Variants in MCOLN2 observed in about 807,000 individuals in gnomAD.
The protein encoded by MCOLN2 is mucolipin TRP cation channel 2, also known as mucolipin-2.
Under a neutral mutation model 67.5 loss-of-function variants are expected in MCOLN2, and 57 were observed. That is an observed-to-expected ratio of 0.84 (90% confidence interval 0.68 to 1.05). The LOEUF is 1.05. MCOLN2 is among the 50% of genes least tolerant of loss of function. The pLI is 0.00. For synonymous variants in MCOLN2, 246 were observed against 233.3 expected (o/e 1.05, Z -0.50); for missense variants, 620 against 678.8 (o/e 0.91, Z 0.96).
intron 4 of MCOLN2, among the ~76,000 whole-genome samples, chr1:84,954,950 T>TTTGTCTGTG (rs1188590107): frequency 1.3e-5 from 2 of 152,050 alleles, no homozygotes; most frequent in Admixed American, 1.3e-4. Flanking sequence ...GGTGATATGG[T>TTTGTCTGTG]TTGTCTGTGT....
chr1:84,973,923 G>C (rs1334473488), intron 1 of MCOLN2, among the ~76,000 whole-genome samples: 1 of 152,208 alleles, frequency 6.6e-6, no homozygotes, highest in Non-Finnish European at 1.5e-5. Flanking sequence ...CTGAAGCACT[G>C]ATACCACCCT....
intron 1 of MCOLN2, among the ~76,000 whole-genome samples, chr1:84,992,320 G>A (rs1650930847): frequency 6.6e-6 from 1 of 152,142 alleles, no homozygotes; most frequent in East Asian, 1.9e-4. Flanking sequence ...CTTCAAAAGA[G>A]AAGAAAGGAA....
chr1:84,996,919 A>G lies in MCOLN2; in HGVS notation c.-47T>C. The G allele has an allele frequency of 1.3e-6, 2 of 1,544,654 alleles. No homozygotes were observed. Among genetic ancestry groups the G allele is most frequent in the Non-Finnish European group, 1.8e-6 (2 of 1,117,350 alleles). Reference sequence around the variant, plus strand: ...CAGGGCTCTCGGGATTCGGAACAGGAAACACCGTTCACGGCCGACTCATTT... The same window carrying G: ...CAGGGCTCTCGGGATTCGGAACAGGGAACACCGTTCACGGCCGACTCATTT... On this transcript the variant is annotated 5_prime_UTR_variant, in exon 1 of 14. Coordinates refer to ENST00000370608, the MANE Select transcript of MCOLN2 (RefSeq NM_153259.4).
chr1:84,927,273 GA>G lies in MCOLN2; in HGVS notation c.1665-553del, dbSNP rs1313929480. On this transcript the variant is annotated intron_variant, in intron 13 of 13. Transcript: ENST00000370608. ...CAATAAATACATTGGTTTGTTTCTG[GA>G]AAAAAAAAAAGAATCTCTGTGTCCC... is the stretch of plus-strand genomic sequence containing the variant. 9.1e-3 allele frequency among the ~76,000 whole-genome samples: 1,306 copies of G among 144,248 alleles called. 8 individuals carry two copies. The highest frequency in any genetic ancestry group is 0.01 in the Non-Finnish European group (669 of 65,340). The allele number at this position is 144,248 out of a possible 152,430, so 94.6% of individuals were successfully genotyped here.
At chr1:84,956,387 C>T (rs1169209909) in intron 4 of MCOLN2, 44 bp downstream of exon 4, 7 of 1,588,674 alleles carry the variant, frequency 4.4e-6, no homozygotes, top group Non-Finnish European at 5.1e-6. Flanking sequence ...TCTGCTCTTA[C>T]CAGAAGACGA....
chr1:84,984,173 T>C (rs567645734), intron 1 of MCOLN2, among the ~76,000 whole-genome samples: 36 of 152,344 alleles, frequency 2.4e-4, no homozygotes, highest in African/African-American at 8.2e-4. Flanking sequence ...GAAGTGAATA[T>C]GTAAAAATTC....
chr1:84,968,192 A>G (rs1028354386), intron 1 of MCOLN2, among the ~76,000 whole-genome samples: 4 of 152,202 alleles, frequency 2.6e-5, no homozygotes, highest in Admixed American at 2.0e-4. Flanking sequence ...CAAAGAAAAG[A>G]AAAAGGAAAT....
chr1:84,944,468 G>C (rs1482106728), intron 7 of MCOLN2, among the ~76,000 whole-genome samples: 1 of 150,906 alleles, frequency 6.6e-6, no homozygotes, highest in African/African-American at 2.5e-5. Context: ...AGGAGGTGGA[G>C]GTTGCAGTGA....
At chr1:84,980,838 A>G (rs1374764615) in intron 1 of MCOLN2, among the ~76,000 whole-genome samples, 1 of 152,200 alleles carries the variant, frequency 6.6e-6, no homozygotes, top group Non-Finnish European at 1.5e-5. Flanking sequence ...GCTTCTGCAC[A>G]GCAAAGGAAA....
At chr1:84,989,126 A>G (rs1650759149) in intron 1 of MCOLN2, among the ~76,000 whole-genome samples, 1 of 152,170 alleles carries the variant, frequency 6.6e-6, no homozygotes, top group African/African-American at 2.4e-5. Flanking sequence ...TCTTGTTTAT[A>G]ACCATATAGC....
chr1:84,966,013 G>A (rs928461843), intron 1 of MCOLN2, among the ~76,000 whole-genome samples: 3 of 152,136 alleles, frequency 2.0e-5, no homozygotes, highest in Non-Finnish European at 4.4e-5. Flanking sequence ...AGCACTTTGG[G>A]AGACCGAGGC....
intron 11 of MCOLN2, among the ~76,000 whole-genome samples, chr1:84,932,187 T>A (rs1647217828): frequency 6.6e-6 from 1 of 152,130 alleles, no homozygotes; most frequent in Non-Finnish European, 1.5e-5. Flanking sequence ...CATCTTCTTA[T>A]GTTTTCTACA....
chr1:84,960,842 T>C (rs1257644586), intron 2 of MCOLN2, among the ~76,000 whole-genome samples: 1 of 152,138 alleles, frequency 6.6e-6, no homozygotes, highest in Non-Finnish European at 1.5e-5. Flanking sequence ...CAATCAAAGT[T>C]TGCTGAGTGC....
intron 11 of MCOLN2, among the ~76,000 whole-genome samples, chr1:84,934,580 TCTG>T (rs1647320682): frequency 6.6e-6 from 1 of 152,056 alleles, no homozygotes; most frequent in Non-Finnish European, 1.5e-5. Context: ...TAATGCAGAG[TCTG>T]CTGAACTTTG....
At position 84,931,315 on chromosome 1, in the gene MCOLN2, T is replaced by C. The variant is rs775873775; in HGVS notation, c.1542+47A>G. The C allele has an allele frequency of 9.8e-5, 107 of 1,089,690 alleles. 1 individual carries two copies. The South Asian group carries it at 1.4e-3, about 14-fold the overall frequency. 67.5% of individuals were successfully genotyped at this position (1,089,690 alleles called of 1,614,324 possible). A position where few individuals can be genotyped will look rare whatever the true frequency, so the allele number is the denominator to read the frequency against. ...ATGTGGTATTTTCCTATAATCTATA[T>C]AGAATTTGCAGTGATTTTTTGGCAG... On this transcript the variant is annotated intron_variant, in intron 12 of 13. Transcript: ENST00000370608.
At chr1:84,957,720 G>GT (rs921098305) in intron 3 of MCOLN2, among the ~76,000 whole-genome samples, 14 of 152,236 alleles carry the variant, frequency 9.2e-5, no homozygotes, top group African/African-American at 2.9e-4. Context: ...TCATCAACAT[G>GT]TTTTTTGTGT....
At chr1:84,948,709 T>G (rs755020000) in intron 6 of MCOLN2, among the ~76,000 whole-genome samples, 1 of 152,226 alleles carries the variant, frequency 6.6e-6, no homozygotes, top group Non-Finnish European at 1.5e-5. Flanking sequence ...ATGATTTGAT[T>G]GAGAAATTCA....
chr1:84,963,008 A>G (rs575183778), intron 2 of MCOLN2, among the ~76,000 whole-genome samples: 15 of 152,346 alleles, frequency 9.8e-5, no homozygotes, highest in Non-Finnish European at 1.9e-4. Context: ...ATATTCCAAC[A>G]CTGCAAACTC....
In MCOLN2 at chr1:84,985,522, A is replaced by G. The variant is rs76580993; in HGVS notation, c.77+11274T>C. 3.4e-4 allele frequency among the ~76,000 whole-genome samples: 52 copies of G among 151,922 alleles called. 1 individual carries two copies. In the East Asian group the frequency reaches 9.9e-3, roughly 29 times the overall value. On this transcript the variant is annotated intron_variant, in intron 1 of 13. Transcript: ENST00000370608. ...TCTCTTGAGCAGACTTCCTTATCCA[A>G]CCCTTTTTATGAAACTCCACCCACA...
Sources: gnomAD v4.1 joint callset for allele counts (sites outside exome capture counted in the v4.1 genomes callset) on GRCh38, gnomAD v4.1.1 for gene constraint, MANE v1.5 for transcripts, NCBI Gene and HGNC (gene_info 2026-07-23, HGNC 2026-07-21) for gene names.